Variants in TLK2 observed in about 807,000 individuals in gnomAD.
The protein encoded by TLK2 is serine/threonine-protein kinase tousled-like 2.
In TLK2, 6 loss-of-function variants were observed where a neutral mutation model predicts 117.3. The ratio of observed to expected loss-of-function variants is 0.05; its 90% CI spans 0.03 to 0.10. The LOEUF (loss-of-function observed/expected upper bound fraction) is 0.10, where lower values mean the gene tolerates loss of function less well. Among genes scored for constraint, TLK2 ranks in the 10% least tolerant of loss-of-function variants. TLK2 has a pLI of 1.00. For missense variants in TLK2, 299 were observed against 901.2 expected (o/e 0.33, Z 8.56); for synonymous variants, 257 against 316.7 (o/e 0.81, Z 2.00).
chr17:62,493,872 T>C (rs1410206647), intron 2 of TLK2, among the ~76,000 whole-genome samples: 1 of 151,944 alleles, frequency 6.6e-6, no homozygotes, highest in Non-Finnish European at 1.5e-5. Flanking sequence ...ATTCTTCTGC[T>C]TCAGCCTTCC....
intron 2 of TLK2, among the ~76,000 whole-genome samples, chr17:62,484,614 T>C (rs1400121049): frequency 6.6e-6 from 1 of 152,088 alleles, no homozygotes; most frequent in Non-Finnish European, 1.5e-5. Flanking sequence ...TTACTTCTTT[T>C]ACCAGTAAGA....
In TLK2 at chr17:62,565,791, C is replaced by T. The variant is rs2079736835; in HGVS notation, c.968+654C>T. 2.0e-5 allele frequency among the ~76,000 whole-genome samples: 3 copies of T among 152,040 alleles called. No individual in the cohort carries two copies. The South Asian group carries it at 6.2e-4, about 32-fold the overall frequency. Reference sequence around the variant, plus strand: ...GAATTTTCATTAAGAGTCTATTGAGCATTTCTTCTGGATCCACAGAAAAAT... The same window carrying T: ...GAATTTTCATTAAGAGTCTATTGAGTATTTCTTCTGGATCCACAGAAAAAT... On this transcript the variant is annotated intron_variant, in intron 11 of 21. Transcript: ENST00000346027.
At chr17:62,582,030 TGAGCACAG>T in intron 15 of TLK2, among the ~76,000 whole-genome samples, 1 of 152,276 alleles carries the variant, frequency 6.6e-6, no homozygotes, top group East Asian at 1.9e-4. Context: ...GAGGATCACT[TGAGCACAG>T]GAGTTTGAAA....
At chr17:62,478,587 A>AGGCGCGGCTTCCTCCGCCGGCGC (rs1391901079), upstream of TLK2, among the ~76,000 whole-genome samples, 2 of 150,116 alleles carry the variant, frequency 1.3e-5, no homozygotes, top group Non-Finnish European at 3.0e-5. Context: ...CCGTCCGGCG[A>AGGCGCGGCTTCCTCCGCCGGCGC]GGCGCGGCTT....
At chr17:62,540,488 C>T (rs1174356279) in intron 7 of TLK2, among the ~76,000 whole-genome samples, 1 of 140,590 alleles carries the variant, frequency 7.1e-6, no homozygotes, top group African/African-American at 2.6e-5. Context: ...ACTTCCACCT[C>T]CCAGGTTCAA....
At chr17:62,502,046 TACAAA>T (rs2074251398) in intron 2 of TLK2, among the ~76,000 whole-genome samples, 6 of 149,546 alleles carry the variant, frequency 4.0e-5, no homozygotes, top group South Asian at 2.1e-4. Context: ...TTTTTTTTTT[TACAAA>T]TTTCACAAGA....
At chr17:62,574,059 A>G (rs943362353) in intron 12 of TLK2, among the ~76,000 whole-genome samples, 2 of 152,218 alleles carry the variant, frequency 1.3e-5, no homozygotes, top group Non-Finnish European at 2.9e-5. Context: ...TTTCAAGTCC[A>G]AAGATAGCTG....
intron 13 of TLK2, among the ~76,000 whole-genome samples, chr17:62,576,980 T>TTTTTTTTTTTTTTTTTTGTTTG (rs2080846395): frequency 6.9e-6 from 1 of 144,944 alleles, no homozygotes; most frequent in African/African-American, 2.6e-5. Flanking sequence ...TTTTTTTTTT[T>TTTTTTTTTTTTTTTTTTGTTTG]GAGTTGGAGT....
intron 1 of TLK2, among the ~76,000 whole-genome samples, chr17:62,472,704 C>T (rs2070964393): frequency 1.3e-5 from 2 of 150,882 alleles, no homozygotes; most frequent in South Asian, 4.2e-4. Flanking sequence ...CACCACTGCA[C>T]TCCAGCCTAG....
intron 2 of TLK2, among the ~76,000 whole-genome samples, chr17:62,513,977 C>T (rs1010093413): frequency 4.0e-5 from 6 of 151,868 alleles, no homozygotes; most frequent in Admixed American, 6.6e-5. Context: ...GTGAGCCCAC[C>T]GTGCCTGGCC....
intron 2 of TLK2, among the ~76,000 whole-genome samples, chr17:62,513,101 A>C (rs1298611386): frequency 3.3e-5 from 5 of 151,320 alleles, no homozygotes; most frequent in African/African-American, 7.3e-5. Flanking sequence ...GCTGGTCTTG[A>C]ACACCAGACC....
chr17:62,588,336 C>T (rs1224554182), intron 16 of TLK2, among the ~76,000 whole-genome samples: 1 of 152,112 alleles, frequency 6.6e-6, no homozygotes, highest in Non-Finnish European at 1.5e-5. Flanking sequence ...GAGTGGAAGC[C>T]GGGCCTTGTC....
At chr17:62,489,894 G>A (rs1278617534) in intron 2 of TLK2, among the ~76,000 whole-genome samples, 1 of 152,116 alleles carries the variant, frequency 6.6e-6, no homozygotes, top group South Asian at 2.1e-4. Context: ...GTGGTGGTGC[G>A]ATCTCATCTC....
In TLK2 at chr17:62,536,306, G is replaced by C; in HGVS notation, c.500G>C (p.Arg167Thr). Residue 167 changes from arginine (R) to threonine (T), a missense_variant, in exon 7 of 22, where the codon AGG becomes ACG. Arg to Thr is a moderately conservative substitution (Grantham distance 71, BLOSUM62 -1). Transcript: ENST00000346027. ...PRLDTEQLAQ[R>T]GAGLCFTFVS... ...CTTGACACAGAGCAGCTGGCGCAAA[G>C]GGGAGCTGGCCTCTGCTTCACTTTT... 1 of 1,613,124 alleles carries C rather than the reference G, an allele frequency of 6.2e-7. No individual in the cohort carries two copies. Among genetic ancestry groups the C allele is most frequent in the Non-Finnish European group, 8.5e-7 (1 of 1,179,494 alleles).
intron 12 of TLK2, chr17:62,574,465 G>T (rs1221716975): frequency 2.4e-6 from 2 of 847,858 alleles, no homozygotes; most frequent in East Asian, 2.6e-5. Flanking sequence ...CGATAAAAAT[G>T]TGCATAATGA....
At chr17:62,495,476 G>T (rs148890036) in intron 2 of TLK2, among the ~76,000 whole-genome samples, 1 of 148,308 alleles carries the variant, frequency 6.7e-6, no homozygotes, top group Admixed American at 6.7e-5. Flanking sequence ...GTGCAGTGGC[G>T]CAGTCTTGGT....
chr17:62,607,286 G>A (rs758421529), intron 20 of TLK2, among the ~76,000 whole-genome samples: 29 of 151,186 alleles, frequency 1.9e-4, no homozygotes, highest in Middle Eastern at 3.2e-3. Context: ...TTGGGAGGCC[G>A]AGGCAGGTGG....
chr17:62,573,382 G>A lies in TLK2; in HGVS notation c.1121+15G>A. The A allele has an allele frequency of 6.2e-7, 1 of 1,613,148 alleles. No individual in the cohort carries two copies. Among genetic ancestry groups the A allele is most frequent in the Non-Finnish European group, 8.5e-7 (1 of 1,179,554 alleles). On this transcript the variant is annotated intron_variant, in intron 12 of 21. Transcript: ENST00000346027. ...GAAAATGAAACGTATGTTCTTTATT[G>A]ACGTGAACGCTGAGACACCACACCC...
Position 62,602,183 on chromosome 17 carries a change from A to T in TLK2, c.1859+3A>T, listed in dbSNP as rs778214286. On this transcript the variant is annotated splice_donor_region_variant and intron_variant, in intron 19 of 21. Transcript: ENST00000346027. Reference sequence around the variant, plus strand: ...TCACAAGGTGCTGGTACTTATTGGTAGGTATCCAGGAGCTCTGCCAGGTTG... The same window carrying T: ...TCACAAGGTGCTGGTACTTATTGGTTGGTATCCAGGAGCTCTGCCAGGTTG... The T allele has an allele frequency of 6.2e-7, 1 of 1,612,664 alleles. No homozygotes were observed. Among genetic ancestry groups the T allele is most frequent in the East Asian group, 2.2e-5 (1 of 44,870 alleles).
Sources: allele counts gnomAD v4.1 joint callset (sites outside exome capture counted in the v4.1 genomes callset), GRCh38; gene constraint gnomAD v4.1.1; transcripts MANE v1.5; gene names NCBI Gene and HGNC (gene_info 2026-07-23, HGNC 2026-07-21).